The following ADRA1B variants were observed in gnomAD, a reference collection of about 807,000 sequenced individuals.
The protein encoded by ADRA1B is adrenoceptor alpha 1B.
A neutral mutation model predicts 17.9 loss-of-function variants in ADRA1B; 17 were observed. The ratio of observed to expected loss-of-function variants is 0.95; its 90% CI spans 0.65 to 1.42. The LOEUF is 1.42. ADRA1B is among the 40% of genes most tolerant of loss of function. ADRA1B has a pLI of 0.00. For synonymous variants in ADRA1B, 366 were observed against 327.6 expected (o/e 1.12, Z -1.27); for missense variants, 681 against 722.1 (o/e 0.94, Z 0.65).
intron 1 of ADRA1B, among the ~76,000 whole-genome samples, chr5:159,957,552 G>A (rs1755579487): frequency 6.6e-6 from 1 of 151,072 alleles, no homozygotes; most frequent in South Asian, 2.1e-4. Flanking sequence ...TTCATTGGGT[G>A]TCAATTATAC....
the ADRA1B span, among the ~76,000 whole-genome samples, chr5:159,982,098 G>A: frequency 3.9e-5 from 6 of 152,236 alleles, no homozygotes; most frequent in African/African-American, 1.4e-4. Context: ...GCCACATGGA[G>A]ATGTTCCTAC....
chr5:159,952,590 C>G (rs1461485949), intron 1 of ADRA1B, among the ~76,000 whole-genome samples: 1 of 152,050 alleles, frequency 6.6e-6, no homozygotes, highest in Middle Eastern at 3.2e-3. Context: ...GAGTAAATTA[C>G]TTCTCTTATA....
At chr5:159,884,878 A>G (rs1363642043) in intron 1 of ADRA1B, among the ~76,000 whole-genome samples, 1 of 152,228 alleles carries the variant, frequency 6.6e-6, no homozygotes, top group Admixed American at 6.5e-5. Context: ...GCTTTGGCAC[A>G]TAATCAACTG....
the ADRA1B span, among the ~76,000 whole-genome samples, chr5:159,987,093 G>A: frequency 6.6e-6 from 1 of 152,240 alleles, no homozygotes; most frequent in Non-Finnish European, 1.5e-5. Context: ...CAGCGGCGGG[G>A]GAGCCGGGCC....
At chr5:159,962,364 C>CTGGTGCTGCCATCTGTCTGAG (rs371118560) in intron 1 of ADRA1B, among the ~76,000 whole-genome samples, 165 of 152,184 alleles carry the variant, frequency 1.1e-3, no homozygotes, top group South Asian at 1.9e-3. Flanking sequence ...GGACCTCAGA[C>CTGGTGCTGCCATCTGTCTGAG]TGGTGCTGCC....
intron 1 of ADRA1B, among the ~76,000 whole-genome samples, chr5:159,895,271 C>A (rs1403143827): frequency 6.6e-6 from 1 of 152,220 alleles, no homozygotes; most frequent in Non-Finnish European, 1.5e-5. Context: ...CGCCAGCTTA[C>A]CACATCCCAG....
At chr5:159,892,941 A>G (rs543906542) in intron 1 of ADRA1B, among the ~76,000 whole-genome samples, 5 of 151,968 alleles carry the variant, frequency 3.3e-5, no homozygotes, top group African/African-American at 1.2e-4. Context: ...ACTAATTTAC[A>G]CTCCCACCAA....
intron 1 of ADRA1B, among the ~76,000 whole-genome samples, chr5:159,898,884 G>A (rs186597795): frequency 6.6e-6 from 1 of 152,178 alleles, no homozygotes; most frequent in African/African-American, 2.4e-5. Context: ...AATGGTTCAT[G>A]CCTGTAATCC....
At chr5:159,953,855 T>C (rs1028092872) in intron 1 of ADRA1B, among the ~76,000 whole-genome samples, 1 of 151,716 alleles carries the variant, frequency 6.6e-6, no homozygotes, top group Non-Finnish European at 1.5e-5. Context: ...CTATGCCAAA[T>C]TGAGAATGGA....
At chr5:159,930,817 T>C (rs1265892060) in intron 1 of ADRA1B, among the ~76,000 whole-genome samples, 1 of 151,884 alleles carries the variant, frequency 6.6e-6, no homozygotes, top group African/African-American at 2.4e-5. Flanking sequence ...AATACTCTAT[T>C]TGTGATTAAG....
Position 159,972,062 on chromosome 5 carries a change from G to GCCC in ADRA1B, c.1135_1136insCCC (p.Arg378_Arg379insPro), listed in dbSNP as rs1400878496. 8 of 1,310,502 alleles carry GCCC rather than the reference G, an allele frequency of 6.1e-6. No individual in the cohort carries two copies. The African/African-American group carries it at 1.3e-4, about 21-fold the overall frequency. The allele number at this position is 1,310,502 out of a possible 1,614,324, so 81.2% of individuals were successfully genotyped here. Reference sequence around the variant, plus strand: ...CGCGGCCGCCGCCGACGCCGCCGCCGCCGTCGCCTGGGCGGCTGCGCCTAC... The same window carrying GCCC: ...CGCGGCCGCCGCCGACGCCGCCGCCGCCCCCGTCGCCTGGGCGGCTGCGCCTAC... On this transcript the variant is annotated inframe_insertion, in exon 2 of 2. Transcript: ENST00000306675.
chr5:159,898,484 T>C (rs942888283), intron 1 of ADRA1B, among the ~76,000 whole-genome samples: 1 of 152,238 alleles, frequency 6.6e-6, no homozygotes, highest in African/African-American at 2.4e-5. Flanking sequence ...ATCTCTAATG[T>C]ATGTTTGGAA....
At chr5:159,971,360 CT>C (rs1483554927) in intron 1 of ADRA1B, among the ~76,000 whole-genome samples, 1 of 152,100 alleles carries the variant, frequency 6.6e-6, no homozygotes, top group Non-Finnish European at 1.5e-5. Flanking sequence ...TTCTTCACCC[CT>C]AGATCAAAAA....
chr5:159,900,564 G>A (rs894539787), intron 1 of ADRA1B, among the ~76,000 whole-genome samples: 3 of 152,208 alleles, frequency 2.0e-5, no homozygotes, highest in Admixed American at 6.5e-5. Flanking sequence ...TTTTATAGAT[G>A]TATTTGTACT....
chr5:159,952,448 C>T (rs1469059749), intron 1 of ADRA1B, among the ~76,000 whole-genome samples: 1 of 152,178 alleles, frequency 6.6e-6, no homozygotes, highest in Non-Finnish European at 1.5e-5. Flanking sequence ...TAACTGAAAG[C>T]ATGGATGGCG....
In ADRA1B at chr5:159,952,511, C is replaced by T. The variant is rs527891548; in HGVS notation, c.950-19368C>T. ...TCCTTGGCTTCCTAGTGGCCTGCCT[C>T]ACCAGGTTAAAACAGCAGCACATGG... On this transcript the variant is annotated intron_variant, in intron 1 of 1. Coordinates refer to ENST00000306675, the MANE Select transcript of ADRA1B (RefSeq NM_000679.4). 2.0e-5 allele frequency among the ~76,000 whole-genome samples: 3 copies of T among 152,324 alleles called. No individual in the cohort carries two copies. The South Asian group carries it at 6.2e-4, about 32-fold the overall frequency.
At chr5:159,887,371 T>G (rs1175494950) in intron 1 of ADRA1B, among the ~76,000 whole-genome samples, 1 of 152,210 alleles carries the variant, frequency 6.6e-6, no homozygotes, top group African/African-American at 2.4e-5. Flanking sequence ...GAATGTCAGT[T>G]ATAGGACAAC....
intron 1 of ADRA1B, among the ~76,000 whole-genome samples, chr5:159,927,313 A>G (rs1754683432): frequency 6.6e-6 from 1 of 152,050 alleles, no homozygotes; most frequent in Non-Finnish European, 1.5e-5. Context: ...TTTATAGCAG[A>G]GCCAGATAGA....
upstream of ADRA1B, among the ~76,000 whole-genome samples, chr5:159,913,629 G>T (rs1392635117): frequency 6.6e-6 from 1 of 152,144 alleles, no homozygotes; most frequent in Non-Finnish European, 1.5e-5. Context: ...TTCACAATGA[G>T]GATAAACCAT....
Sources: allele counts gnomAD v4.1 joint callset (sites outside exome capture counted in the v4.1 genomes callset), GRCh38; gene constraint gnomAD v4.1.1; transcripts MANE v1.5; gene names NCBI Gene and HGNC (gene_info 2026-07-23, HGNC 2026-07-21).